The following CCDC117 variants were observed in gnomAD, a reference collection of about 807,000 sequenced individuals.
CCDC117 encodes coiled-coil domain-containing protein 117.
In CCDC117, 1 loss-of-function variant was observed where a neutral mutation model predicts 23.5. The ratio of observed to expected loss-of-function variants is 0.04; its 90% CI spans 0.02 to 0.20. The LOEUF (loss-of-function observed/expected upper bound fraction) is 0.20. Among genes scored for constraint, CCDC117 ranks in the 10% least tolerant of loss-of-function variants. CCDC117 has a pLI of 1.00. For missense variants in CCDC117, 383 were observed against 348.2 expected, an observed-to-expected ratio of 1.10 and a Z score of -0.80; for synonymous variants, 132 against 124.8, an observed-to-expected ratio of 1.06 and a Z score of -0.39.
chr22:28,773,746 G>A lies in CCDC117; in HGVS notation c.207G>A (p.Lys69=). The A allele has an allele frequency of 5.0e-6, 8 of 1,613,972 alleles. No individual in the cohort carries two copies. Among genetic ancestry groups the A allele is most frequent in the Non-Finnish European group, 6.8e-6 (8 of 1,179,820 alleles). ...ACAGTGTTTCTGTTCACTGTAAAAA[G>A]AAACACAAGCGAGAGGAGGAGGAGG... is the stretch of plus-strand genomic sequence containing the variant. The part of the protein sequence containing the change: ...ARGRVSVHCK[K]KHKREEEEDD... Residue 69 remains lysine (K), a synonymous_variant, in exon 2 of 5, where the codon AAG becomes AAA. Coordinates refer to ENST00000249064, the MANE Select transcript of CCDC117 (RefSeq NM_173510.4).
In CCDC117 at chr22:28,783,875, C is replaced by T. The variant is rs150173909; in HGVS notation, c.602+230C>T. On this transcript the variant is annotated intron_variant, in intron 4 of 4. Transcript: ENST00000249064. ...ACTTACTCTTTGGTTCCTTTGAAGA[C>T]CTGAAATGGACTGCAGTCTGCTATT... Among the ~76,000 whole-genome samples the T allele has an allele frequency of 2.6e-5, 4 of 152,202 alleles. No individual in the cohort carries two copies. In the East Asian group the frequency reaches 7.7e-4, roughly 29 times the overall value.
At chr22:28,785,381 G>T (rs979931405) in intron 4 of CCDC117, among the ~76,000 whole-genome samples, 1 of 151,888 alleles carries the variant, frequency 6.6e-6, no homozygotes, top group Non-Finnish European at 1.5e-5. Context: ...TAGAGACGGG[G>T]TTCACCACAT....
In CCDC117 at chr22:28,788,736, C is replaced by G. The variant is rs2031588235; in HGVS notation, c.*2410C>G. 1 of 152,738 alleles carries G rather than the reference C, an allele frequency of 6.5e-6. No individual in the cohort carries two copies. Among genetic ancestry groups the G allele is most frequent in the Admixed American group, 6.5e-5 (1 of 15,300 alleles). 9.5% of individuals were successfully genotyped at this position (152,738 alleles called of 1,614,324 possible). A position where few individuals can be genotyped will look rare whatever the true frequency, so the allele number is the denominator to read the frequency against. ...TGAGCCGTCTCCACAGTCCCAATGCCTCTGCTTTTTGTTTTACTTTTGTAG... is the reference window on the plus strand; with the variant it reads ...TGAGCCGTCTCCACAGTCCCAATGCGTCTGCTTTTTGTTTTACTTTTGTAG... On this transcript the variant is annotated 3_prime_UTR_variant, in exon 5 of 5. Coordinates refer to ENST00000249064, the MANE Select transcript of CCDC117 (RefSeq NM_173510.4).
In CCDC117 at chr22:28,781,942, C is replaced by G. The variant is rs937167761; in HGVS notation, c.464+770C>G. On this transcript the variant is annotated intron_variant, in intron 3 of 4. Coordinates refer to ENST00000249064, the MANE Select transcript of CCDC117 (RefSeq NM_173510.4). ...ACAGGCGTGAGCCACACCACCCAGC[C>G]CCCCCCCTTTTTTTTTTTTAAATTG... Among the ~76,000 whole-genome samples the G allele has an allele frequency of 8.6e-5, 13 of 150,534 alleles. No homozygotes were observed. The East Asian group carries it at 1.6e-3, about 18-fold the overall frequency.
At chr22:28,773,819 T>C (rs1476137291) in intron 2 of CCDC117, 41 bp downstream of exon 2, 2 of 1,466,830 alleles carry the variant, frequency 1.4e-6, no homozygotes, top group Admixed American at 3.3e-5. Context: ...TGGTCACCGT[T>C]AGTTGAACCC....
Position 28,772,738 on chromosome 22 carries a change from C to G in CCDC117, c.-112C>G, listed in dbSNP as rs1206206203. 6 of 852,990 alleles carry G rather than the reference C, an allele frequency of 7.0e-6. No individual in the cohort carries two copies. The highest frequency in any genetic ancestry group is 3.6e-5 in the African/African-American group (2 of 56,308). 52.8% of individuals were successfully genotyped at this position (852,990 alleles called of 1,614,324 possible). ...GGTTCTAGAAGGCGTGACGTGGGGT[C>G]GAGAGCGGGATCCGAGGCTGGCGGG... On this transcript the variant is annotated 5_prime_UTR_variant, in exon 1 of 5. Coordinates refer to ENST00000249064, the MANE Select transcript of CCDC117 (RefSeq NM_173510.4).
At chr22:28,780,446 A>G (rs926927940) in intron 2 of CCDC117, among the ~76,000 whole-genome samples, 6 of 152,206 alleles carry the variant, frequency 3.9e-5, no homozygotes, top group Admixed American at 1.3e-4. Context: ...ATGACTAAAT[A>G]TGATGCTGAA....
In CCDC117 at chr22:28,786,637, C is replaced by G; in HGVS notation, c.*311C>G. 1 of 253,398 alleles carries G rather than the reference C, an allele frequency of 3.9e-6. No individual in the cohort carries two copies. Among genetic ancestry groups the G allele is most frequent in the Non-Finnish European group, 7.7e-6 (1 of 130,530 alleles). The allele number at this position is 253,398 out of a possible 1,614,324, so 15.7% of individuals were successfully genotyped here. On this transcript the variant is annotated 3_prime_UTR_variant, in exon 5 of 5. Transcript: ENST00000249064. The stretch of plus-strand genomic sequence containing the variant: ...TGACTTAAATCATATGTCACATTGT[C>G]TAAACTATTCAGACACTTGGAGAAT...
In CCDC117 at chr22:28,783,623, A is replaced by G. The variant is rs1350813652; in HGVS notation, c.580A>G (p.Thr194Ala). ...GAAGAGGGAATTTGATGAAGTTTTT[A>G]CAAAGAAAATGATTGAGTCTATGTA... ...GLKREFDEVFTKKMIESMSRP... is the reference protein window; with the variant it reads ...GLKREFDEVFAKKMIESMSRP... The change falls in exon 4 of 5, where the codon ACA becomes GCA. Residue 194 changes from threonine (T) to alanine (A), a missense_variant. By Grantham distance (58) the Thr-to-Ala change is moderately conservative. Coordinates refer to ENST00000249064, the MANE Select transcript of CCDC117 (RefSeq NM_173510.4). 5 of 1,613,870 alleles carry G rather than the reference A, an allele frequency of 3.1e-6. No individual in the cohort carries two copies. The highest frequency in any genetic ancestry group is 3.3e-5 in the Admixed American group (2 of 59,982).
intron 2 of CCDC117, among the ~76,000 whole-genome samples, chr22:28,775,510 CCATTAACATCCTCTGAACACAAGTGTGTT>C (rs1241490720): frequency 6.6e-6 from 1 of 151,968 alleles, no homozygotes; most frequent in Non-Finnish European, 1.5e-5. Context: ...ATTTATATGC[CCATTAACATCCTCTGAACACAAGTGTGTT>C]TTTAAACTTC....
At chr22:28,783,787 TA>T in intron 4 of CCDC117, 142 bp downstream of exon 4, 1 of 751,184 alleles carries the variant, frequency 1.3e-6, no homozygotes. Flanking sequence ...CCTAGTTCAT[TA>T]GGGGTGAGCA....
At position 28,782,316 on chromosome 22, in the gene CCDC117, G is replaced by A. The variant is rs1261479022; in HGVS notation, c.464+1144G>A. Among the ~76,000 whole-genome samples, 4 of 140,862 alleles carry A rather than the reference G, an allele frequency of 2.8e-5. No homozygotes were observed. The East Asian group carries it at 6.6e-4, about 23-fold the overall frequency. The allele number at this position is 140,862 out of a possible 152,430, so 92.4% of individuals were successfully genotyped here. On this transcript the variant is annotated intron_variant, in intron 3 of 4. Coordinates refer to ENST00000249064, the MANE Select transcript of CCDC117 (RefSeq NM_173510.4). ...CTGTCACCCAGGCTGGAGTACAATGGTGTGAACTCGGCGCTCACTGCAACC... is the reference window on the plus strand; with the variant it reads ...CTGTCACCCAGGCTGGAGTACAATGATGTGAACTCGGCGCTCACTGCAACC...
At position 28,772,741 on chromosome 22, in the gene CCDC117, G is replaced by A. The variant is rs1328084894; in HGVS notation, c.-109G>A. 3.4e-6 allele frequency: 3 copies of A among 887,304 alleles called. No homozygotes were observed. In the African/African-American group the frequency reaches 5.3e-5, roughly 16 times the overall value. The allele number at this position is 887,304 out of a possible 1,614,324, so 55.0% of individuals were successfully genotyped here. ...TCTAGAAGGCGTGACGTGGGGTCGA[G>A]AGCGGGATCCGAGGCTGGCGGGTTT... On this transcript the variant is annotated 5_prime_UTR_variant, in exon 1 of 5. Transcript: ENST00000249064.
rs966490596 is a variant in CCDC117, at chr22:28,787,163, AT to A, written c.*844del. 3 of 152,238 alleles carry A rather than the reference AT, an allele frequency of 2.0e-5. No individual in the cohort carries two copies. The highest frequency in any genetic ancestry group is 7.2e-5 in the African/African-American group (3 of 41,422). The allele number at this position is 152,238 out of a possible 1,614,324, so 9.4% of individuals were successfully genotyped here. On this transcript the variant is annotated 3_prime_UTR_variant, in exon 5 of 5. Transcript: ENST00000249064. ...AAACCCAACATTGATAACTTTGGTA[AT>A]TTTTTTAAAAAGTTATACTTGTATT...
In CCDC117 at chr22:28,773,709, T is replaced by A. The variant is rs755274214; in HGVS notation, c.186-16T>A. 68 of 1,608,388 alleles carry A rather than the reference T, an allele frequency of 4.2e-5. No homozygotes were observed. Among genetic ancestry groups the A allele is most frequent in the Non-Finnish European group, 5.4e-5 (64 of 1,174,996 alleles). ...AGTACATTTCTTAATTGACTGATTTTTGTTTGTTTCAACAGTGTTTCTGTT... is the reference window on the plus strand; with the variant it reads ...AGTACATTTCTTAATTGACTGATTTATGTTTGTTTCAACAGTGTTTCTGTT... On this transcript the variant is annotated splice_polypyrimidine_tract_variant and intron_variant, in intron 1 of 4. Transcript: ENST00000249064.
chr22:28,783,746 T>G, intron 4 of CCDC117, 101 bp downstream of exon 4: 5 of 1,120,552 alleles, frequency 4.5e-6, no homozygotes, highest in Non-Finnish European at 6.5e-6. Flanking sequence ...TTTTATCTCC[T>G]GATCCCCAGG....
chr22:28,786,277 A>G lies in CCDC117; in HGVS notation c.791A>G (p.Tyr264Cys), dbSNP rs1401182638. ...CCTCGGCCAACAGGGATGTCTCTTT[A>G]TAATAGTTTGGAGACAGCTACTAGC... ...SEPRPTGMSL[Y>C]NSLETATSTE... The change falls in exon 5 of 5, where the codon TAT (tyrosine) becomes TGT (cysteine). Residue 264 changes from tyrosine to cysteine, a missense_variant. Transcript: ENST00000249064. 2 of 1,614,204 alleles carry G rather than the reference A, an allele frequency of 1.2e-6. No individual in the cohort carries two copies. Among genetic ancestry groups the G allele is most frequent in the Non-Finnish European group, 8.5e-7 (1 of 1,180,032 alleles).
In CCDC117 at chr22:28,788,901, G is replaced by A. The variant is rs1330721666; in HGVS notation, c.*2575G>A. On this transcript the variant is annotated 3_prime_UTR_variant, in exon 5 of 5. Transcript: ENST00000249064. Reference sequence around the variant, plus strand: ...TGAAGAGAAAAAATTCTCTAAAGCAGGTGAGCTTTAATGAACAAATGTGTA... The same window carrying A: ...TGAAGAGAAAAAATTCTCTAAAGCAAGTGAGCTTTAATGAACAAATGTGTA... 2 of 152,402 alleles carry A rather than the reference G, an allele frequency of 1.3e-5. No individual in the cohort carries two copies. The highest frequency in any genetic ancestry group is 3.9e-4 in the East Asian group (2 of 5,190). 9.4% of individuals were successfully genotyped at this position (152,402 alleles called of 1,614,324 possible). A position where few individuals can be genotyped will look rare whatever the true frequency, so the allele number is the denominator to read the frequency against.
At position 28,788,756 on chromosome 22, in the gene CCDC117, T is replaced by A. The variant is rs1311840666; in HGVS notation, c.*2430T>A. On this transcript the variant is annotated 3_prime_UTR_variant, in exon 5 of 5. Coordinates refer to ENST00000249064, the MANE Select transcript of CCDC117 (RefSeq NM_173510.4). ...AATGCCTCTGCTTTTTGTTTTACTT[T>A]TGTAGCATAAGGTTTTTGCTTTTGC... The A allele has an allele frequency of 6.6e-6, 1 of 152,662 alleles. No individual in the cohort carries two copies. The highest frequency in any genetic ancestry group is 1.5e-5 in the Non-Finnish European group (1 of 68,042). 9.5% of individuals were successfully genotyped at this position (152,662 alleles called of 1,614,324 possible). A position where few individuals can be genotyped will look rare whatever the true frequency, so the allele number is the denominator to read the frequency against.
Sources: allele counts gnomAD v4.1 joint callset (sites outside exome capture counted in the v4.1 genomes callset), GRCh38; gene constraint gnomAD v4.1.1; transcripts MANE v1.5; gene names NCBI Gene and HGNC (gene_info 2026-07-23, HGNC 2026-07-21).